Variants in RAB5A observed in about 807,000 individuals in gnomAD.
RAB5A encodes the protein RAB5A, member RAS oncogene family.
In RAB5A, 8 loss-of-function variants were observed where a neutral mutation model predicts 25.7. The observed-to-expected ratio is 0.31, with a 90% CI of 0.18 to 0.56. The LOEUF (loss-of-function observed/expected upper bound fraction) is 0.56, where lower values mean the gene tolerates loss of function less well. Among genes scored for constraint, RAB5A ranks in the 20% least tolerant of loss-of-function variants. RAB5A has a pLI of 0.91. For synonymous variants in RAB5A, 98 were observed against 89.8 expected (o/e 1.09, Z -0.52); for missense variants, 192 against 259.7 (o/e 0.74, Z 1.79).
rs1697005850 is a variant in RAB5A, at chr3:19,985,012, T to C, written c.*1189T>C. On this transcript the variant is annotated 3_prime_UTR_variant, in exon 6 of 6. Coordinates refer to ENST00000273047, the MANE Select transcript of RAB5A (RefSeq NM_004162.5). ...GCACTAATTATTTTAGGTATTTTCA[T>C]TATATGAAAGCTACCATGTGTCAGA... 1 of 192,456 alleles carries C rather than the reference T, an allele frequency of 5.2e-6. No individual in the cohort carries two copies. Among genetic ancestry groups the C allele is most frequent in the Admixed American group, 5.5e-5 (1 of 18,048 alleles). The allele number at this position is 192,456 out of a possible 1,614,324, so 11.9% of individuals were successfully genotyped here. A position where few individuals can be genotyped will look rare whatever the true frequency, so the allele number is the denominator to read the frequency against.
intron 2 of RAB5A, among the ~76,000 whole-genome samples, chr3:19,959,725 C>G (rs1249728952): frequency 6.7e-6 from 1 of 149,508 alleles, no homozygotes; most frequent in Non-Finnish European, 1.5e-5. Flanking sequence ...CCTCTTGGGT[C>G]AAGCAGTCGT....
At position 19,985,155 on chromosome 3, in the gene RAB5A, A is replaced by G. The variant is rs1411872528; in HGVS notation, c.*1332A>G. 4.3e-6 allele frequency: 2 copies of G among 466,238 alleles called. No individual in the cohort carries two copies. Among genetic ancestry groups the G allele is most frequent in the African/African-American group, 2.0e-5 (1 of 49,566 alleles). 28.9% of individuals were successfully genotyped at this position (466,238 alleles called of 1,614,324 possible). ...TTTATATTGAGGTGCTCAGGTTGGA[A>G]TAAAGTGGTATAAAAAGCAAGTATC... On this transcript the variant is annotated 3_prime_UTR_variant, in exon 6 of 6. Coordinates refer to ENST00000273047, the MANE Select transcript of RAB5A (RefSeq NM_004162.5).
chr3:19,956,368 C>T (rs1696502029), intron 2 of RAB5A, among the ~76,000 whole-genome samples: 1 of 152,030 alleles, frequency 6.6e-6, no homozygotes, highest in Non-Finnish European at 1.5e-5. Flanking sequence ...GCAGGAGAAA[C>T]ATTTGAACCC....
intron 5 of RAB5A, 123 bp downstream of exon 5, chr3:19,978,526 TGTGTGA>T: frequency 1.6e-6 from 1 of 634,176 alleles, no homozygotes; most frequent in Non-Finnish European, 2.9e-6. Context: ...TTTATGTGTG[TGTGTGA>T]GAGAGAGAGA....
At chr3:19,957,660 C>A (rs773237633) in intron 2 of RAB5A, among the ~76,000 whole-genome samples, 2 of 150,688 alleles carry the variant, frequency 1.3e-5, no homozygotes, top group Admixed American at 6.6e-5. Flanking sequence ...GAGACTCTGT[C>A]GCGGAGGTTG....
rs375871840 is a variant in RAB5A at position 19,966,774 on chromosome 3, C to T, written c.164-8827C>T. ...CCTAATGATTGGTGATATTGAACAT[C>T]TTTCCATGTGCTTATTGGATTTATT... On this transcript the variant is annotated intron_variant, in intron 2 of 5. Transcript: ENST00000273047. 7.2e-5 allele frequency among the ~76,000 whole-genome samples: 11 copies of T among 152,240 alleles called. No homozygotes were observed. The East Asian group carries it at 1.7e-3, about 24-fold the overall frequency.
At chr3:19,963,108 C>T (rs1269567817) in intron 2 of RAB5A, among the ~76,000 whole-genome samples, 1 of 152,128 alleles carries the variant, frequency 6.6e-6, no homozygotes, top group East Asian at 1.9e-4. Flanking sequence ...CATGCCCAGC[C>T]TGTGTTTAGT....
At chr3:19,965,484 G>A (rs1696647949) in intron 2 of RAB5A, among the ~76,000 whole-genome samples, 1 of 151,828 alleles carries the variant, frequency 6.6e-6, no homozygotes, top group Non-Finnish European at 1.5e-5. Context: ...ACTGTCTTAT[G>A]TACTGGTTAG....
chr3:19,958,989 ACTCTT>A (rs1357167992), intron 2 of RAB5A, among the ~76,000 whole-genome samples: 1 of 152,114 alleles, frequency 6.6e-6, no homozygotes, highest in Non-Finnish European at 1.5e-5. Context: ...TAAACTGTGT[ACTCTT>A]CTCATTAAAC....
chr3:19,971,240 T>C (rs1297354466), intron 2 of RAB5A, among the ~76,000 whole-genome samples: 1 of 151,692 alleles, frequency 6.6e-6, no homozygotes, highest in Non-Finnish European at 1.5e-5. Flanking sequence ...TTTAAAACTT[T>C]AGGACTTTGA....
At chr3:19,956,581 C>T (rs1696506106) in intron 2 of RAB5A, among the ~76,000 whole-genome samples, 1 of 152,134 alleles carries the variant, frequency 6.6e-6, no homozygotes, top group South Asian at 2.1e-4. Context: ...CAACCTGTAA[C>T]AGGAATAAAA....
At chr3:19,978,567 C>A in intron 5 of RAB5A, 164 bp downstream of exon 5, 1 of 546,556 alleles carries the variant, frequency 1.8e-6, no homozygotes, top group South Asian at 2.5e-5. Flanking sequence ...TTTCTAAGTC[C>A]CTTCCACAAA....
intron 2 of RAB5A, among the ~76,000 whole-genome samples, chr3:19,969,045 G>GTTTTTTTTTTTTTTTTTTTTTTTTTTT (rs386396075): frequency 3.9e-5 from 4 of 103,446 alleles, no homozygotes; most frequent in Non-Finnish European, 5.2e-5. Flanking sequence ...TTTTTTTTTG[G>GTTTTTTTTTTTTTTTTTTTTTTTTTTT]TTTTTTTTTT....
intron 5 of RAB5A, chr3:19,978,883 G>A (rs1696869125): frequency 6.6e-6 from 1 of 152,208 alleles, no homozygotes; most frequent in African/African-American, 2.4e-5. Context: ...AAGCATAGAG[G>A]CGTAAGGAGA....
intron 2 of RAB5A, among the ~76,000 whole-genome samples, chr3:19,958,766 C>T (rs1696541715): frequency 6.6e-6 from 1 of 152,094 alleles, no homozygotes. Flanking sequence ...ACCTGGGAGG[C>T]AGAGGTTGCA....
At chr3:19,966,928 C>A (rs578067924) in intron 2 of RAB5A, among the ~76,000 whole-genome samples, 2 of 152,250 alleles carry the variant, frequency 1.3e-5, no homozygotes, top group East Asian at 3.9e-4. Flanking sequence ...CTGTACCTCC[C>A]AAGTAGTCCA....
At chr3:19,974,061 A>G (rs1696788506) in intron 2 of RAB5A, among the ~76,000 whole-genome samples, 1 of 152,240 alleles carries the variant, frequency 6.6e-6, no homozygotes, top group South Asian at 2.1e-4. Flanking sequence ...AGGGAGGAGC[A>G]TACCAATTTA....
chr3:19,949,249 ACT>A (rs1696385773), intron 1 of RAB5A, among the ~76,000 whole-genome samples: 1 of 152,120 alleles, frequency 6.6e-6, no homozygotes, highest in Admixed American at 6.5e-5. Context: ...AAAGATAAGG[ACT>A]CTAAAAAGCT....
At chr3:19,955,929 T>G (rs950053166) in intron 2 of RAB5A, among the ~76,000 whole-genome samples, 1 of 152,074 alleles carries the variant, frequency 6.6e-6, no homozygotes, top group Non-Finnish European at 1.5e-5. Flanking sequence ...CTAACCTAGT[T>G]TGAGAATTAC....
Sources: allele counts gnomAD v4.1 joint callset (sites outside exome capture counted in the v4.1 genomes callset), GRCh38; gene constraint gnomAD v4.1.1; transcripts MANE v1.5; gene names NCBI Gene and HGNC (gene_info 2026-07-23, HGNC 2026-07-21).